TMEM41B: variants seen among roughly 807,000 people sequenced by gnomAD.
The protein encoded by TMEM41B is transmembrane protein 41B, also known as protein stasimon.
In TMEM41B, 18 loss-of-function variants were observed where a neutral mutation model predicts 31.9. That is an observed-to-expected ratio of 0.56 (90% CI 0.39 to 0.84). TMEM41B has a LOEUF of 0.84. Among genes scored for constraint, TMEM41B ranks in the 40% least tolerant of loss-of-function variants. The pLI is 0.00. For synonymous variants in TMEM41B, 144 were observed against 124.3 expected, an observed-to-expected ratio of 1.16 and a Z score of -1.05; for missense variants, 322 against 348.0, an observed-to-expected ratio of 0.93 and a Z score of 0.59.
At chr11:9,311,243 C>T in intron 1 of TMEM41B, 1 of 1,490,136 alleles carries the variant, frequency 6.7e-7, no homozygotes, top group Non-Finnish European at 9.1e-7. Flanking sequence ...GAGAGCAGAA[C>T]TGGTGAGACT....
intron 3 of TMEM41B, among the ~76,000 whole-genome samples, chr11:9,292,886 A>C (rs1208717616): frequency 6.6e-6 from 1 of 152,158 alleles, no homozygotes; most frequent in African/African-American, 2.4e-5. Context: ...AACAGTGCTC[A>C]AGAGTTCCAA....
rs1410970515 is a variant in TMEM41B, at chr11:9,314,461, G to A, written c.-20C>T. The A allele has an allele frequency of 3.2e-6, 5 of 1,548,530 alleles. No homozygotes were observed. The African/African-American group carries it at 4.1e-5, about 13-fold the overall frequency. On this transcript the variant is annotated 5_prime_UTR_variant, in exon 1 of 7. Transcript: ENST00000528080. Reference sequence around the variant, plus strand: ...CGCCATGGCTGCTGCAAGGTGAAGGGAGCGGTGCGGTGCCGCGCCCCCTAA... The same window carrying A: ...CGCCATGGCTGCTGCAAGGTGAAGGAAGCGGTGCGGTGCCGCGCCCCCTAA...
Position 9,299,720 on chromosome 11 carries a change from T to G in TMEM41B, c.122-19A>C. The G allele has an allele frequency of 1.3e-6, 2 of 1,499,138 alleles. No individual in the cohort carries two copies. Among genetic ancestry groups the G allele is most frequent in the Non-Finnish European group, 1.8e-6 (2 of 1,086,616 alleles). 92.9% of individuals were successfully genotyped at this position (1,499,138 alleles called of 1,614,324 possible). A position where few individuals can be genotyped will look rare whatever the true frequency, so the allele number is the denominator to read the frequency against. On this transcript the variant is annotated intron_variant, in intron 1 of 6. Coordinates refer to ENST00000528080, the MANE Select transcript of TMEM41B (RefSeq NM_015012.4). ...GATTTTTCTGGAAGAAAAAAGAAAGTATAATTAAGATAAATATAAAGGAAG... is the reference window on the plus strand; with the variant it reads ...GATTTTTCTGGAAGAAAAAAGAAAGGATAATTAAGATAAATATAAAGGAAG...
rs1841377902 is a variant in TMEM41B at position 9,294,428 on chromosome 11, G to C, written c.368+831C>G. On this transcript the variant is annotated intron_variant, in intron 3 of 6. Coordinates refer to ENST00000528080, the MANE Select transcript of TMEM41B (RefSeq NM_015012.4). The stretch of plus-strand genomic sequence containing the variant: ...GAGAATCGCTTGAACCTAGGAGGTG[G>C]AGGTTGCAGTGACCAGAGATTGTGC... Among the ~76,000 whole-genome samples the C allele has an allele frequency of 2.6e-5, 4 of 151,400 alleles. No individual in the cohort carries two copies. The South Asian group carries it at 8.3e-4, about 32-fold the overall frequency.
At chr11:9,283,784 A>C (rs1852775246) in intron 6 of TMEM41B, among the ~76,000 whole-genome samples, 191 bp from the exon 7 acceptor site, 1 of 148,388 alleles carries the variant, frequency 6.7e-6, no homozygotes, top group African/African-American at 2.5e-5. Flanking sequence ...CTTAAGGATA[A>C]TGATTTTTTT....
At position 9,314,303 on chromosome 11, in the gene TMEM41B, C is replaced by T. The variant is rs1218839135; in HGVS notation, c.121+18G>A. On this transcript the variant is annotated intron_variant, in intron 1 of 6. Coordinates refer to ENST00000528080, the MANE Select transcript of TMEM41B (RefSeq NM_015012.4). Reference sequence around the variant, plus strand: ...AAGCCTCGGGCCACCCCCAGCTCTGCTCCCCGGGCCCACTCACCCTTCTGG... The same window carrying T: ...AAGCCTCGGGCCACCCCCAGCTCTGTTCCCCGGGCCCACTCACCCTTCTGG... 2 of 1,592,342 alleles carry T rather than the reference C, an allele frequency of 1.3e-6. No individual in the cohort carries two copies. Among genetic ancestry groups the T allele is most frequent in the Non-Finnish European group, 1.7e-6 (2 of 1,175,284 alleles).
intron 2 of TMEM41B, among the ~76,000 whole-genome samples, 168 bp from the exon 3 acceptor site, chr11:9,295,555 CAT>C (rs1435235549): frequency 2.0e-5 from 3 of 152,162 alleles, no homozygotes; most frequent in East Asian, 1.9e-4. Flanking sequence ...TGTTTTGAGA[CAT>C]AGAGTCTTGC....
chr11:9,310,465 ATTAT>A (rs1421611529), intron 1 of TMEM41B, among the ~76,000 whole-genome samples: 1 of 152,050 alleles, frequency 6.6e-6, no homozygotes, highest in African/African-American at 2.4e-5. Context: ...AAAAATGCTT[ATTAT>A]TGATTATCCA....
At chr11:9,293,037 T>C (rs1478460415) in intron 3 of TMEM41B, among the ~76,000 whole-genome samples, 1 of 152,200 alleles carries the variant, frequency 6.6e-6, no homozygotes, top group Non-Finnish European at 1.5e-5. Flanking sequence ...TACTTGGTTC[T>C]CAAGTCAAAC....
chr11:9,292,150 C>T (rs932348254), intron 3 of TMEM41B, among the ~76,000 whole-genome samples: 10 of 152,160 alleles, frequency 6.6e-5, no homozygotes, highest in African/African-American at 2.4e-4. Context: ...AGCATAGGGT[C>T]TTTATTTTTT....
At chr11:9,303,652 T>C (rs932878510) in intron 1 of TMEM41B, among the ~76,000 whole-genome samples, 2 of 31,110 alleles carry the variant, frequency 6.4e-5, no homozygotes, top group African/African-American at 1.5e-4. Context: ...TTCTTTTTCT[T>C]TTTTTTTTTT....
chr11:9,299,070 CAG>C (rs1853173334), intron 2 of TMEM41B, among the ~76,000 whole-genome samples: 1 of 151,608 alleles, frequency 6.6e-6, no homozygotes, highest in Non-Finnish European at 1.5e-5. Context: ...CACCTGAGGT[CAG>C]GAGTTCAAGA....
intron 6 of TMEM41B, among the ~76,000 whole-genome samples, chr11:9,286,078 G>A (rs1328367344): frequency 6.6e-6 from 1 of 152,174 alleles, no homozygotes; most frequent in South Asian, 2.1e-4. Context: ...TCATGCCACT[G>A]TACTCCAGCC....
chr11:9,290,514 C>T (rs1023275263), intron 3 of TMEM41B, among the ~76,000 whole-genome samples: 1 of 151,082 alleles, frequency 6.6e-6, no homozygotes, highest in African/African-American at 2.4e-5. Flanking sequence ...CAAACCTGCA[C>T]GCTGTGCACA....
intron 1 of TMEM41B, chr11:9,311,331 A>C (rs1853555807): frequency 2.0e-6 from 3 of 1,516,110 alleles, no homozygotes; most frequent in East Asian, 5.0e-5. Flanking sequence ...ATGCTTGTGC[A>C]TCTTTTTATG....
chr11:9,305,966 C>A (rs564816425), intron 1 of TMEM41B, among the ~76,000 whole-genome samples: 1 of 147,692 alleles, frequency 6.8e-6, no homozygotes, highest in East Asian at 2.0e-4. Context: ...CAGCTACTTA[C>A]ACCAGCACTT....
rs553193044 is a variant in TMEM41B at position 9,297,958 on chromosome 11, G to A, written c.239+1626C>T. On this transcript the variant is annotated intron_variant, in intron 2 of 6. Coordinates refer to ENST00000528080, the MANE Select transcript of TMEM41B (RefSeq NM_015012.4). ...TGCATGCCTGTACTCCTACCTACTC[G>A]GGAAACTGAGGTAGGGGATCATTTC... 1.2e-4 allele frequency among the ~76,000 whole-genome samples: 18 copies of A among 150,790 alleles called. No homozygotes were observed. In the South Asian group the frequency reaches 3.8e-3, roughly 32 times the overall value.
In TMEM41B at chr11:9,314,449, G is replaced by A. The variant is rs1470109107; in HGVS notation, c.-8C>T. 2 of 1,553,620 alleles carry A rather than the reference G, an allele frequency of 1.3e-6. No homozygotes were observed. Among genetic ancestry groups the A allele is most frequent in the South Asian group, 1.2e-5 (1 of 84,520 alleles). ...GACTCTGCCTTTCGCCATGGCTGCT[G>A]CAAGGTGAAGGGAGCGGTGCGGTGC... On this transcript the variant is annotated 5_prime_UTR_variant, in exon 1 of 7. Coordinates refer to ENST00000528080, the MANE Select transcript of TMEM41B (RefSeq NM_015012.4).
intron 6 of TMEM41B, among the ~76,000 whole-genome samples, chr11:9,284,971 A>G (rs1291307271): frequency 6.6e-6 from 1 of 152,180 alleles, no homozygotes; most frequent in Non-Finnish European, 1.5e-5. Flanking sequence ...ATGGAGATAG[A>G]AACAAAAATT....
Sources: allele counts gnomAD v4.1 joint callset (sites outside exome capture counted in the v4.1 genomes callset), GRCh38; gene constraint gnomAD v4.1.1; transcripts MANE v1.5; gene names NCBI Gene and HGNC (gene_info 2026-07-23, HGNC 2026-07-21).